The following KLHL3 variants were observed in gnomAD, a reference collection of about 807,000 sequenced individuals.
The protein encoded by KLHL3 is kelch like family member 3.
A neutral mutation model predicts 70.5 loss-of-function variants in KLHL3; 19 were observed. The ratio of observed to expected loss-of-function variants is 0.27; its 90% CI spans 0.19 to 0.40. KLHL3 has a LOEUF of 0.40. Among genes scored for constraint, KLHL3 ranks in the 10% least tolerant of loss-of-function variants. The probability of loss-of-function intolerance (pLI) is 1.00; values close to 1 mark genes in which losing one functional copy is unlikely to be tolerated. For synonymous variants in KLHL3, 258 were observed against 290.3 expected (o/e 0.89, Z 1.13); for missense variants, 512 against 771.1 (o/e 0.66, Z 3.98).
chr5:137,659,692 A>C (rs1447787897), intron 7 of KLHL3, among the ~76,000 whole-genome samples: 1 of 152,194 alleles, frequency 6.6e-6, no homozygotes, highest in African/African-American at 2.4e-5. Flanking sequence ...GTTCTCCTGG[A>C]AAGTTAGTGC....
intron 6 of KLHL3, among the ~76,000 whole-genome samples, chr5:137,675,474 G>A (rs1185125132): frequency 3.3e-5 from 5 of 152,088 alleles, no homozygotes; most frequent in South Asian, 2.1e-4. Context: ...TATATTTGGC[G>A]TTTTATATCC....
At chr5:137,705,095 C>T (rs1235475764) in intron 3 of KLHL3, among the ~76,000 whole-genome samples, 1 of 152,232 alleles carries the variant, frequency 6.6e-6, no homozygotes, top group African/African-American at 2.4e-5. Flanking sequence ...CACTATTACT[C>T]TGCAACCTCC....
intron 6 of KLHL3, among the ~76,000 whole-genome samples, chr5:137,670,656 T>C (rs540845328): frequency 2.0e-5 from 3 of 152,128 alleles, no homozygotes; most frequent in Admixed American, 6.6e-5. Context: ...GACCTGAGAA[T>C]GCTTAAAACA....
intron 6 of KLHL3, among the ~76,000 whole-genome samples, chr5:137,663,475 A>C (rs1024754798): frequency 6.6e-6 from 1 of 151,580 alleles, no homozygotes; most frequent in Non-Finnish European, 1.5e-5. Context: ...TATACTTTAA[A>C]TCATCCTCCC....
In KLHL3 at chr5:137,720,578, C is replaced by T; in HGVS notation, c.21G>A (p.Lys7=). MEGESV[K]LSSQTLIQAG... is the part of the protein sequence containing the mutation. Reference sequence around the variant, plus strand: ...CCTGTATCAGAGTCTGGGAGCTCAGCTTGACACTGTGAACAGGAAGGAAGA... The same window carrying T: ...CCTGTATCAGAGTCTGGGAGCTCAGTTTGACACTGTGAACAGGAAGGAAGA... Residue 7 remains lysine (K), a synonymous_variant, in exon 2 of 15, where the codon AAG becomes AAA. Coordinates refer to ENST00000309755, the MANE Select transcript of KLHL3 (RefSeq NM_017415.3). 6.2e-7 allele frequency: 1 copy of T among 1,614,054 alleles called. No individual in the cohort carries two copies. Among genetic ancestry groups the T allele is most frequent in the Non-Finnish European group, 8.5e-7 (1 of 1,180,020 alleles).
At chr5:137,685,111 C>T (rs1004600061) in intron 5 of KLHL3, among the ~76,000 whole-genome samples, 1 of 152,222 alleles carries the variant, frequency 6.6e-6, no homozygotes, top group African/African-American at 2.4e-5. Flanking sequence ...AATAAAGTCA[C>T]ATTTGTTTAG....
intron 1 of KLHL3, 128 bp downstream of exon 1, chr5:137,735,505 A>T: frequency 1.3e-6 from 1 of 757,682 alleles, no homozygotes; most frequent in Non-Finnish European, 2.4e-6. Context: ...GGCGCCCTTT[A>T]AGATCCATCA....
intron 6 of KLHL3, among the ~76,000 whole-genome samples, chr5:137,677,266 G>A (rs1229774996): frequency 2.6e-5 from 4 of 152,000 alleles, no homozygotes; most frequent in Non-Finnish European, 5.9e-5. Context: ...GGTCAACATG[G>A]TGAAACCCTG....
intron 5 of KLHL3, among the ~76,000 whole-genome samples, chr5:137,685,240 T>A (rs1247631186): frequency 6.6e-6 from 1 of 152,192 alleles, no homozygotes; most frequent in African/African-American, 2.4e-5. Flanking sequence ...CAAAATATTA[T>A]GTACAAGAAT....
intron 7 of KLHL3, among the ~76,000 whole-genome samples, chr5:137,659,768 G>A (rs1429158876): frequency 6.6e-6 from 1 of 152,116 alleles, no homozygotes; most frequent in Middle Eastern, 3.2e-3. Context: ...TATAGTAATG[G>A]TTGTACTGAA....
chr5:137,695,404 C>A (rs1752423819), intron 4 of KLHL3, among the ~76,000 whole-genome samples: 1 of 152,164 alleles, frequency 6.6e-6, no homozygotes, highest in African/African-American at 2.4e-5. Context: ...CTTTCCCTCT[C>A]TTTGACTCTG....
At chr5:137,711,966 C>T (rs1371225759) in intron 2 of KLHL3, among the ~76,000 whole-genome samples, 2 of 149,766 alleles carry the variant, frequency 1.3e-5, no homozygotes, top group African/African-American at 4.9e-5. Context: ...CCAGCCTTGC[C>T]AACATGGTGA....
At chr5:137,676,482 G>A (rs11745324) in intron 6 of KLHL3, among the ~76,000 whole-genome samples, 28,936 of 152,126 alleles carry the variant, frequency 0.19, 3,023 homozygotes, top group Non-Finnish European at 0.24. Flanking sequence ...AGGAGGATCA[G>A]CTCAGAACTA....
intron 8 of KLHL3, among the ~76,000 whole-genome samples, chr5:137,653,372 G>A (rs188512030): frequency 6.6e-6 from 1 of 152,266 alleles, no homozygotes; most frequent in African/African-American, 2.4e-5. Flanking sequence ...TTAAAGACTT[G>A]TATCCAGAAT....
chr5:137,661,075 TAA>T (rs1751461079), intron 7 of KLHL3: 1 of 152,202 alleles, frequency 6.6e-6, no homozygotes, highest in Admixed American at 6.5e-5. Context: ...TCTCTGCTTA[TAA>T]AAGTGTCTAA....
At chr5:137,679,683 C>T (rs1187243641) in intron 5 of KLHL3, among the ~76,000 whole-genome samples, 2 of 152,158 alleles carry the variant, frequency 1.3e-5, no homozygotes, top group Non-Finnish European at 2.9e-5. Flanking sequence ...GTAGTCAGCA[C>T]CCCACCTCCA....
chr5:137,715,452 A>C (rs1410447074), intron 2 of KLHL3, among the ~76,000 whole-genome samples: 1 of 152,142 alleles, frequency 6.6e-6, no homozygotes, highest in East Asian at 1.9e-4. Flanking sequence ...ACTCACTCAG[A>C]TCAATAAAGT....
At chr5:137,714,173 A>C (rs1271442750) in intron 2 of KLHL3, among the ~76,000 whole-genome samples, 9 of 152,150 alleles carry the variant, frequency 5.9e-5, no homozygotes, top group Admixed American at 5.9e-4. Flanking sequence ...GGCTATAATC[A>C]AAAGCACAAA....
At chr5:137,713,749 G>C (rs59002327) in intron 2 of KLHL3, among the ~76,000 whole-genome samples, 151 of 152,278 alleles carry the variant, frequency 9.9e-4, no homozygotes, top group African/African-American at 3.4e-3. Flanking sequence ...ACAATCCATA[G>C]AATGAGAAAT....
Sources: gnomAD v4.1 joint callset for allele counts (sites outside exome capture counted in the v4.1 genomes callset) on GRCh38, gnomAD v4.1.1 for gene constraint, MANE v1.5 for transcripts, NCBI Gene and HGNC (gene_info 2026-07-23, HGNC 2026-07-21) for gene names.